RBBP6: variants seen among roughly 807,000 people sequenced by gnomAD.
The protein encoded by RBBP6 is RB binding protein 6, ubiquitin ligase, also known as E3 ubiquitin-protein ligase RBBP6.
Under a neutral mutation model 167.7 loss-of-function variants are expected in RBBP6, and 25 were observed. That is an observed-to-expected ratio of 0.15 (90% confidence interval 0.11 to 0.21). The LOEUF (loss-of-function observed/expected upper bound fraction) is 0.21. Among genes scored for constraint, RBBP6 ranks in the 10% least tolerant of loss-of-function variants. RBBP6 has a pLI of 1.00. For synonymous variants in RBBP6, 789 were observed against 735.8 expected, an observed-to-expected ratio of 1.07 and a Z score of -1.17; for missense variants, 1,868 against 2,134.2, an observed-to-expected ratio of 0.88 and a Z score of 2.46.
intron 16 of RBBP6, 114 bp from the exon 17 acceptor site, chr16:24,568,631 A>C: frequency 7.2e-7 from 1 of 1,386,904 alleles, no homozygotes; most frequent in Non-Finnish European, 9.5e-7. Context: ...TCTAAGATGA[A>C]ATTTGATATA....
rs200302243 is a variant in RBBP6, at chr16:24,571,772, G to A, written c.4706G>A (p.Arg1569His). ...KSVDKNPCKD[R>H]EKHVLEARNN... ...GTAGATAAAAATCCTTGTAAGGATC[G>A]TGAGAAGCATGTATTAGAAGCAAGG... The change falls in exon 18 of 18, where the codon CGT becomes CAT. Residue 1569 changes from arginine (R) to histidine (H), a missense_variant. Coordinates refer to ENST00000319715, the MANE Select transcript of RBBP6 (RefSeq NM_006910.5). 2.5e-4 allele frequency: 411 copies of A among 1,613,850 alleles called. 1 individual carries two copies. The highest frequency in any genetic ancestry group is 3.3e-4 in the Middle Eastern group (2 of 6,084).
rs765955504 is a variant in RBBP6, at chr16:24,569,460, G to A, written c.2770G>A (p.Ala924Thr). Residue 924 changes from alanine to threonine, a missense_variant, in exon 17 of 18, where the codon GCT (alanine) becomes ACT (threonine). By Grantham distance (58) the Ala-to-Thr change is moderately conservative. Coordinates refer to ENST00000319715, the MANE Select transcript of RBBP6 (RefSeq NM_006910.5). Reference protein sequence around the residue: ...TKSKEKESENAPGDGKGNKHK... With the variant: ...TKSKEKESENTPGDGKGNKHK... ...GTCAAAAGAGAAGGAGAGTGAAAAC[G>A]CTCCAGGAGATGGTAAAGGAAATAA... The A allele has an allele frequency of 2.5e-6, 4 of 1,611,866 alleles. No homozygotes were observed. In the African/African-American group the frequency reaches 4.0e-5, roughly 16 times the overall value.
At position 24,540,227 on chromosome 16, in the gene RBBP6, C is replaced by G. The variant is rs1898448193; in HGVS notation, c.-400C>G. The G allele has an allele frequency of 6.3e-6, 1 of 158,360 alleles. No individual in the cohort carries two copies. Among genetic ancestry groups the G allele is most frequent in the Non-Finnish European group, 1.4e-5 (1 of 71,786 alleles). The allele number at this position is 158,360 out of a possible 1,614,324, so 9.8% of individuals were successfully genotyped here. A position where few individuals can be genotyped will look rare whatever the true frequency, so the allele number is the denominator to read the frequency against. On this transcript the variant is annotated 5_prime_UTR_variant, in exon 1 of 18. Coordinates refer to ENST00000319715, the MANE Select transcript of RBBP6 (RefSeq NM_006910.5). ...AGACCCGCCGGGAGGTGCGGCCGCG[C>G]TATGGACCCCTGACCCCGTGGGGTC... is the stretch of plus-strand genomic sequence containing the variant.
chr16:24,557,815 A>G (rs538507235), intron 7 of RBBP6, among the ~76,000 whole-genome samples: 2 of 152,204 alleles, frequency 1.3e-5, no homozygotes, highest in East Asian at 1.9e-4. Context: ...GCAGGTGGGG[A>G]TGATGATGAA....
intron 1 of RBBP6, among the ~76,000 whole-genome samples, chr16:24,541,901 C>A (rs946896438): frequency 6.6e-6 from 1 of 152,122 alleles, no homozygotes; most frequent in Admixed American, 6.5e-5. Flanking sequence ...GGGAGGTCCC[C>A]CACCTCCAGC....
Position 24,563,661 on chromosome 16 carries a change from A to T in RBBP6, c.1517A>T (p.Glu506Val), listed in dbSNP as rs780621519. 4 of 1,610,656 alleles carry T rather than the reference A, an allele frequency of 2.5e-6. No homozygotes were observed. Among genetic ancestry groups the T allele is most frequent in the Non-Finnish European group, 3.4e-6 (4 of 1,178,970 alleles). The change falls in exon 13 of 18, where the codon GAA becomes GTA. Residue 506 changes from glutamate to valine, a missense_variant. This residue lies in a region of RBBP6 where 245 missense variants were observed against 240.1 expected (regional missense o/e 1.02). Coordinates refer to ENST00000319715, the MANE Select transcript of RBBP6 (RefSeq NM_006910.5). Reference sequence around the variant, plus strand: ...CCAGGTGGTGGTCGACCAGGCTGGGAACAGTGAGTAGATGTTTACAATAAT... The same window carrying T: ...CCAGGTGGTGGTCGACCAGGCTGGGTACAGTGAGTAGATGTTTACAATAAT... ...ARPGGGRPGW[E>V]HSNKLGYLVS...
At chr16:24,555,017 C>A (rs1299494424) in intron 4 of RBBP6, 1 of 152,090 alleles carries the variant, frequency 6.6e-6, no homozygotes, top group Non-Finnish European at 1.5e-5. Context: ...GAAGATTCAA[C>A]TTAACTAGAA....
At chr16:24,566,382 A>G (rs1899194689) in intron 14 of RBBP6, among the ~76,000 whole-genome samples, 1 of 152,222 alleles carries the variant, frequency 6.6e-6, no homozygotes, top group South Asian at 2.1e-4. Context: ...AGTTAAAACT[A>G]GAATTTATTC....
chr16:24,572,650 T>A lies in RBBP6; in HGVS notation c.*205T>A, dbSNP rs907961288. ...AATTGTGAGTTGTGACCATGTAACA[T>A]GAGAGGTTTTGCTAGGGCCTATTAT... is the stretch of plus-strand genomic sequence containing the variant. On this transcript the variant is annotated 3_prime_UTR_variant, in exon 18 of 18. Coordinates refer to ENST00000319715, the MANE Select transcript of RBBP6 (RefSeq NM_006910.5). The A allele has an allele frequency of 1.1e-5, 7 of 645,688 alleles. No homozygotes were observed. In the East Asian group the frequency reaches 2.0e-4, roughly 19 times the overall value. The allele number at this position is 645,688 out of a possible 1,614,324, so 40.0% of individuals were successfully genotyped here. A position where few individuals can be genotyped will look rare whatever the true frequency, so the allele number is the denominator to read the frequency against.
chr16:24,568,609 C>T (rs1899248803), intron 16 of RBBP6, 136 bp from the exon 17 acceptor site: 1 of 1,271,808 alleles, frequency 7.9e-7, no homozygotes, highest in Non-Finnish European at 1.1e-6. Flanking sequence ...GGTCACTGTG[C>T]CTCTTTAATC....
chr16:24,562,244 C>T, intron 10 of RBBP6, 83 bp downstream of exon 10: 3 of 1,274,898 alleles, frequency 2.4e-6, no homozygotes, highest in Non-Finnish European at 2.2e-6. Flanking sequence ...CTTTTAACAG[C>T]TTTCTTAGTG....
chr16:24,569,599 A>G lies in RBBP6; in HGVS notation c.2909A>G (p.Lys970Arg), dbSNP rs535995217. 1.2e-6 allele frequency: 2 copies of G among 1,612,400 alleles called. No individual in the cohort carries two copies. Among genetic ancestry groups the G allele is most frequent in the African/African-American group, 2.7e-5 (2 of 74,850 alleles). The change falls in exon 17 of 18, where the codon AAA becomes AGA. Residue 970 changes from lysine to arginine, a missense_variant. Lys to Arg is a conservative substitution (Grantham distance 26). Transcript: ENST00000319715. ...GAACCTACAGGTGTTGAAGAAAATA[A>G]AACAGACTCATTGTTTGTTCTCCCA... The part of the protein sequence containing the change: ...SREPTGVEEN[K>R]TDSLFVLPSR...
chr16:24,546,388 CTG>C (rs980994662), intron 2 of RBBP6, 126 bp downstream of exon 2: 173 of 1,129,598 alleles, frequency 1.5e-4, no homozygotes, highest in Non-Finnish European at 1.8e-4. Context: ...CTTCTCAAGA[CTG>C]TGAGGATAGT....
rs988790184 is a variant in RBBP6 at position 24,551,959 on chromosome 16, T to C, written c.304-1554T>C. On this transcript the variant is annotated intron_variant, in intron 3 of 17. Transcript: ENST00000319715. ...TTTAGATAAAAAGAGATATGTATTA[T>C]TTAGAGGTTTTTTTCTACTTACCAC... Among the ~76,000 whole-genome samples, 7 of 151,886 alleles carry C rather than the reference T, an allele frequency of 4.6e-5. No individual in the cohort carries two copies. The East Asian group carries it at 1.4e-3, about 29-fold the overall frequency.
At position 24,546,228 on chromosome 16, in the gene RBBP6, G is replaced by T; in HGVS notation, c.232G>T (p.Gly78Ter). The stretch of plus-strand genomic sequence containing the variant: ...TGTAATTGTTAGAAGAATTCCTATT[G>T]GAGGTGTTAAATCTACAAGCAAGAC... ...SSVIVRRIPI[G>*]GVKSTSKTYV... Residue 78 changes from glycine (G) to a stop codon, truncating the protein, a stop_gained, in exon 2 of 18, where the codon GGA becomes TGA. Coordinates refer to ENST00000319715, the MANE Select transcript of RBBP6 (RefSeq NM_006910.5). LOFTEE classifies it high-confidence loss of function. 6.3e-7 allele frequency: 1 copy of T among 1,591,754 alleles called. No homozygotes were observed.
chr16:24,552,696 A>G (rs1898825349), intron 3 of RBBP6, among the ~76,000 whole-genome samples: 1 of 151,884 alleles, frequency 6.6e-6, no homozygotes, highest in African/African-American at 2.4e-5. Flanking sequence ...TTACACAAAG[A>G]TGCCTCTTCA....
rs1175371222 is a variant in RBBP6 at position 24,567,828 on chromosome 16, T to A, written c.1989T>A (p.Asn663Lys). Residue 663 changes from asparagine (N) to lysine (K), a missense_variant, in exon 16 of 18, where the codon AAT becomes AAA. By Grantham distance (94) the Asn-to-Lys change is moderately conservative. Transcript: ENST00000319715. ...KKKSKLDEFTNDFAKELMEYK... is the reference protein window; with the variant it reads ...KKKSKLDEFTKDFAKELMEYK... Reference sequence around the variant, plus strand: ...AGTCCAAGCTAGATGAGTTTACAAATGATTTTGCTAAGGAATTGATGGAAT... The same window carrying A: ...AGTCCAAGCTAGATGAGTTTACAAAAGATTTTGCTAAGGAATTGATGGAAT... 6.2e-7 allele frequency: 1 copy of A among 1,613,782 alleles called. No individual in the cohort carries two copies.
intron 3 of RBBP6, 125 bp from the exon 4 acceptor site, chr16:24,553,388 A>G (rs1898843341): frequency 1.4e-6 from 1 of 704,194 alleles, no homozygotes; most frequent in African/African-American, 1.8e-5. Flanking sequence ...TTCAAGCTTA[A>G]CATTCTTTAG....
At chr16:24,555,499 G>A (rs2141465107) in intron 4 of RBBP6, 116 bp from the exon 5 acceptor site, 1 of 797,630 alleles carries the variant, frequency 1.3e-6, no homozygotes, top group South Asian at 1.7e-5. Flanking sequence ...GTAAATAGCT[G>A]TTTTTATGCA....
Sources: gnomAD v4.1 joint callset for allele counts (sites outside exome capture counted in the v4.1 genomes callset) on GRCh38, gnomAD v4.1.1 for gene constraint, gnomAD v4.1.1 regional missense constraint, MANE v1.5 for transcripts, NCBI Gene and HGNC (gene_info 2026-07-23, HGNC 2026-07-21) for gene names.